Variants in ACAD11 observed in about 807,000 individuals in gnomAD.
The protein encoded by ACAD11 is acyl-CoA dehydrogenase family member 11.
A neutral mutation model predicts 102.2 loss-of-function variants in ACAD11; 83 were observed. The ratio of observed to expected loss-of-function variants is 0.81; its 90% confidence interval spans 0.68 to 0.97. The LOEUF is 0.97. Among genes scored for constraint, ACAD11 ranks in the 50% least tolerant of loss-of-function variants. The pLI, the probability that ACAD11 is intolerant of heterozygous loss-of-function variation, is 0.00. For missense variants in ACAD11, 901 were observed against 951.7 expected, an observed-to-expected ratio of 0.95 and a Z score of 0.70; for synonymous variants, 324 against 319.8, an observed-to-expected ratio of 1.01 and a Z score of -0.14.
intron 12 of ACAD11, 148 bp downstream of exon 12, chr3:132,604,950 A>T (rs1286198523): frequency 1.9e-6 from 1 of 522,898 alleles, no homozygotes; most frequent in Non-Finnish European, 3.4e-6. Context: ...CCAAAATTTA[A>T]TAACAGGCTC....
chr3:132,570,610 G>A (rs571931661), intron 17 of ACAD11, among the ~76,000 whole-genome samples: 6 of 152,050 alleles, frequency 3.9e-5, no homozygotes, highest in East Asian at 1.9e-4. Context: ...CGTCACTCAG[G>A]TATTAATCCT....
intron 3 of ACAD11, among the ~76,000 whole-genome samples, chr3:132,642,465 C>CGTA (rs1472748211): frequency 1.3e-5 from 2 of 152,088 alleles, no homozygotes; most frequent in African/African-American, 4.8e-5. Flanking sequence ...AAGTCAATAC[C>CGTA]CCCTAATTAC....
chr3:132,624,710 A>T lies in ACAD11; in HGVS notation c.1197+1981T>A, dbSNP rs2107856344. On this transcript the variant is annotated intron_variant, in intron 9 of 19. Coordinates refer to ENST00000264990, the MANE Select transcript of ACAD11 (RefSeq NM_032169.5). ...CATTTGCTTTTTTGTCGTTGTTGAG[A>T]CAGGGTCTCACTGTTGCCCAGGCTG... 2.0e-5 allele frequency among the ~76,000 whole-genome samples: 3 copies of T among 151,088 alleles called. No individual in the cohort carries two copies. In the South Asian group the frequency reaches 6.3e-4, roughly 32 times the overall value.
rs1202025668 is a variant in ACAD11, at chr3:132,558,904, T to C, written c.*67A>G. ...CTGCTACAAAAATATGAGATTCAAA[T>C]GTTGGAGCCAATGAAGTTTGTATAA... On this transcript the variant is annotated 3_prime_UTR_variant, in exon 20 of 20. Coordinates refer to ENST00000264990, the MANE Select transcript of ACAD11 (RefSeq NM_032169.5). 4 of 1,146,322 alleles carry C rather than the reference T, an allele frequency of 3.5e-6. No homozygotes were observed. Among genetic ancestry groups the C allele is most frequent in the Non-Finnish European group, 5.1e-6 (4 of 779,712 alleles). The allele number at this position is 1,146,322 out of a possible 1,614,324, so 71.0% of individuals were successfully genotyped here.
chr3:132,606,589 C>G (rs574927685), intron 11 of ACAD11, among the ~76,000 whole-genome samples: 1 of 152,230 alleles, frequency 6.6e-6, no homozygotes, highest in Non-Finnish European at 1.5e-5. Context: ...GATTCCTCCT[C>G]TCTGGGCAGG....
intron 17 of ACAD11, 60 bp downstream of exon 17, chr3:132,575,712 T>C (rs1162558365): frequency 1.3e-6 from 2 of 1,586,388 alleles, no homozygotes; most frequent in African/African-American, 2.7e-5. Flanking sequence ...GTAATGTTTT[T>C]GTTCAATGTT....
chr3:132,644,766 A>G, intron 2 of ACAD11, 31 bp downstream of exon 2: 1 of 1,428,198 alleles, frequency 7.0e-7, no homozygotes, highest in Non-Finnish European at 9.5e-7. Flanking sequence ...TTTGTCACCA[A>G]AGAATTTATC....
In ACAD11 at chr3:132,652,985, AGTTT is replaced by A. The variant is rs143925445; in HGVS notation, c.149+6614_149+6617del. ...AAGGGTGCTCCAATAGCCTGAGGGCAGTTTACCAAAAAAAGAGGCATAGATGCTG... is the reference window on the plus strand; with the variant it reads ...AAGGGTGCTCCAATAGCCTGAGGGCAACCAAAAAAAGAGGCATAGATGCTG... On this transcript the variant is annotated intron_variant, in intron 1 of 19. Transcript: ENST00000264990. Among the ~76,000 whole-genome samples, 1,443 of 152,336 alleles carry A rather than the reference AGTTT, an allele frequency of 9.5e-3. 23 individuals are homozygous for A. Among genetic ancestry groups the A allele is most frequent in the African/African-American group, 0.033 (1,361 of 41,568 alleles).
chr3:132,579,179 T>C, intron 14 of ACAD11: 1 of 884,328 alleles, frequency 1.1e-6, no homozygotes, highest in Non-Finnish European at 1.6e-6. Context: ...GCCTTTGATC[T>C]AAACATCTAA....
chr3:132,596,906 A>G (rs948050203), intron 13 of ACAD11, among the ~76,000 whole-genome samples: 5 of 152,228 alleles, frequency 3.3e-5, no homozygotes, highest in Admixed American at 6.5e-5. Context: ...GGTTAAAATC[A>G]TATTTGCTTT....
At chr3:132,568,183 T>C (rs978601573) in intron 17 of ACAD11, among the ~76,000 whole-genome samples, 20 of 152,076 alleles carry the variant, frequency 1.3e-4, no homozygotes, top group Admixed American at 3.9e-4. Context: ...GCCAAGATCA[T>C]GCAATTACAC....
chr3:132,610,550 G>T (rs11926081), intron 11 of ACAD11, among the ~76,000 whole-genome samples: 14,018 of 152,078 alleles, frequency 0.092, 804 homozygotes, highest in South Asian at 0.14. Flanking sequence ...TATCACCACC[G>T]ATCCCACAGA....
intron 13 of ACAD11, chr3:132,601,107 G>A (rs749074078): frequency 7.4e-6 from 12 of 1,613,402 alleles, no homozygotes; most frequent in South Asian, 3.3e-5. Context: ...AAAATATCTC[G>A]ACCCCTAAAA....
chr3:132,578,403 G>A (rs1008941877), intron 15 of ACAD11: 5 of 152,138 alleles, frequency 3.3e-5, no homozygotes, highest in Admixed American at 2.6e-4. Flanking sequence ...CTTTTTAACA[G>A]TTCTTGTAAG....
In ACAD11 at chr3:132,625,545, A is replaced by G. The variant is rs140012044; in HGVS notation, c.1197+1146T>C. Reference sequence around the variant, plus strand: ...GATCAGAAAATATTCAAGATACTTCAGTCACTAAACACATGTGAGAGGTGA... The same window carrying G: ...GATCAGAAAATATTCAAGATACTTCGGTCACTAAACACATGTGAGAGGTGA... On this transcript the variant is annotated intron_variant, in intron 9 of 19. Transcript: ENST00000264990. 6.0e-4 allele frequency among the ~76,000 whole-genome samples: 91 copies of G among 152,322 alleles called. 1 individual carries two copies. Among genetic ancestry groups the G allele is most frequent in the African/African-American group, 1.6e-3 (68 of 41,568 alleles).
At position 132,603,158 on chromosome 3, in the gene ACAD11, G is replaced by C. The variant is rs887628058; in HGVS notation, c.1621+71C>G. The C allele has an allele frequency of 1.5e-5, 19 of 1,231,972 alleles. No individual in the cohort carries two copies. The African/African-American group carries it at 2.4e-4, about 15-fold the overall frequency. The allele number at this position is 1,231,972 out of a possible 1,614,324, so 76.3% of individuals were successfully genotyped here. ...ATGAAACTGATCACTATGTATCATAGCAATATTCTAGCATAGCATCTGGAA... is the reference window on the plus strand; with the variant it reads ...ATGAAACTGATCACTATGTATCATACCAATATTCTAGCATAGCATCTGGAA... On this transcript the variant is annotated intron_variant, in intron 13 of 19. Transcript: ENST00000264990.
At chr3:132,651,198 T>G (rs1940920126) in intron 1 of ACAD11, among the ~76,000 whole-genome samples, 1 of 152,184 alleles carries the variant, frequency 6.6e-6, no homozygotes, top group Non-Finnish European at 1.5e-5. Context: ...CCCTCCTGTG[T>G]AAATTCTTCC....
At position 132,601,247 on chromosome 3, in the gene ACAD11, G is replaced by A. The variant is rs139794831; in HGVS notation, c.1621+1982C>T. ...CAACATGAGCAAACGCATGGACATCGCCATCCAAGTCACAGAAAGCATCGC... is the reference window on the plus strand; with the variant it reads ...CAACATGAGCAAACGCATGGACATCACCATCCAAGTCACAGAAAGCATCGC... On this transcript the variant is annotated intron_variant, in intron 13 of 19. Coordinates refer to ENST00000264990, the MANE Select transcript of ACAD11 (RefSeq NM_032169.5). 4.6e-5 allele frequency: 74 copies of A among 1,613,916 alleles called. 1 individual carries two copies. Among genetic ancestry groups the A allele is most frequent in the Middle Eastern group, 3.3e-4 (2 of 6,056 alleles).
intron 11 of ACAD11, among the ~76,000 whole-genome samples, chr3:132,616,559 A>T (rs924341017): frequency 6.6e-6 from 1 of 152,206 alleles, no homozygotes; most frequent in Non-Finnish European, 1.5e-5. Context: ...TGTTTTGTGA[A>T]ACTTTTGTTT....
Sources: gnomAD v4.1 joint callset for allele counts (sites outside exome capture counted in the v4.1 genomes callset) on GRCh38, gnomAD v4.1.1 for gene constraint, MANE v1.5 for transcripts, NCBI Gene and HGNC (gene_info 2026-07-23, HGNC 2026-07-21) for gene names.